CUBN: variants seen among roughly 807,000 people sequenced by gnomAD.
The protein encoded by CUBN is cubilin.
CUBN carries 282 observed loss-of-function variants against 405.3 expected under a neutral mutation model. The ratio of observed to expected loss-of-function variants is 0.70; its 90% CI spans 0.63 to 0.77. The LOEUF is 0.77. Among genes scored for constraint, CUBN ranks in the 30% least tolerant of loss-of-function variants. CUBN has a pLI of 0.00. For synonymous variants in CUBN, 1,684 were observed against 1,617.0 expected, an observed-to-expected ratio of 1.04 and a Z score of -0.99; for missense variants, 4,514 against 4,475.2, an observed-to-expected ratio of 1.01 and a Z score of -0.25.
In CUBN at chr10:16,933,120, T is replaced by C. The variant is rs150392211; in HGVS notation, c.6091A>G (p.Thr2031Ala). ...ILSLDIESHR[T>A]CAYDSLVIRD... ...ATCACAAGGCTATCATAGGCACACG[T>C]TCGGTGAGATTCAATGTCCAGGGAA... Residue 2031 changes from threonine to alanine, a missense_variant, in exon 40 of 67, where the codon ACG becomes GCG. By Grantham distance (58) the Thr-to-Ala change is moderately conservative. Around this residue, in one of 5 missense-constraint regions of CUBN, gnomAD observed 1,613 missense variants for 1,542.8 expected, o/e 1.05. Transcript: ENST00000377833. The C allele has an allele frequency of 3.6e-4, 578 of 1,613,974 alleles. No homozygotes were observed. Among genetic ancestry groups the C allele is most frequent in the Non-Finnish European group, 4.3e-4 (513 of 1,180,004 alleles).
chr10:17,129,557 T>C (rs1837272036), intron 1 of CUBN, 87 bp downstream of exon 1: 1 of 1,568,124 alleles, frequency 6.4e-7, no homozygotes, highest in Non-Finnish European at 8.8e-7. Context: ...TCAAGAAAAA[T>C]TGCACCTTTG....
chr10:16,828,777 G>A (rs891145609), intron 66 of CUBN, 28 bp downstream of exon 66: 8 of 1,496,248 alleles, frequency 5.3e-6, no homozygotes, highest in Non-Finnish European at 7.5e-6. Flanking sequence ...AATAACAAAT[G>A]GGAATATAAA....
intron 31 of CUBN, among the ~76,000 whole-genome samples, chr10:16,970,107 A>C (rs1843509954): frequency 6.6e-6 from 1 of 152,240 alleles, no homozygotes; most frequent in Non-Finnish European, 1.5e-5. Flanking sequence ...CACGTCCAGA[A>C]ACAAGCACCT....
Position 16,841,012 on chromosome 10 carries a change from A to G in CUBN, c.9699T>C (p.Ala3233=). The G allele has an allele frequency of 1.2e-6, 2 of 1,614,200 alleles. No individual in the cohort carries two copies. Among genetic ancestry groups the G allele is most frequent in the Non-Finnish European group, 1.7e-6 (2 of 1,180,024 alleles). The stretch of plus-strand genomic sequence containing the variant: ...GTACTGTGGAACCACAAAACGTTCC[A>G]GCCAAGTTCGCATTTTCACTATCCC... ...YDGDSENANL[A]GTFCGSTVPA... The change falls in exon 61 of 67, where the codon GCT becomes GCC. Residue 3233 remains alanine (A), a synonymous_variant. Transcript: ENST00000377833.
At chr10:16,998,384 T>C (rs1347263481) in intron 28 of CUBN, among the ~76,000 whole-genome samples, 3 of 151,792 alleles carry the variant, frequency 2.0e-5, no homozygotes, top group African/African-American at 7.3e-5. Flanking sequence ...GAGTTATGCA[T>C]CTACAAGGCT....
At position 16,954,566 on chromosome 10, in the gene CUBN, G is replaced by A. The variant is rs745926280; in HGVS notation, c.4696-18C>T. 4.3e-6 allele frequency: 7 copies of A among 1,612,492 alleles called. No homozygotes were observed. The South Asian group carries it at 4.4e-5, about 10-fold the overall frequency. ...TCGTATGCCTACAAGAAAGGAGACA[G>A]GGCAAACAGTGGTTCAGATTCACAT... On this transcript the variant is annotated intron_variant, in intron 31 of 66. Coordinates refer to ENST00000377833, the MANE Select transcript of CUBN (RefSeq NM_001081.4).
intron 31 of CUBN, among the ~76,000 whole-genome samples, chr10:16,976,689 T>C (rs1833107653): frequency 6.6e-6 from 1 of 152,188 alleles, no homozygotes. Flanking sequence ...GTGTGTGTTA[T>C]ATATTTTCTG....
chr10:17,068,599 T>C lies in CUBN; in HGVS notation c.2791+6A>G. On this transcript the variant is annotated splice_donor_region_variant and intron_variant, in intron 20 of 66. Coordinates refer to ENST00000377833, the MANE Select transcript of CUBN (RefSeq NM_001081.4). Reference sequence around the variant, plus strand: ...GGAGGAAAAAAAAAAGGGAACAGTCTCTTACCCAAATCCTCAGCACTGAAC... The same window carrying C: ...GGAGGAAAAAAAAAAGGGAACAGTCCCTTACCCAAATCCTCAGCACTGAAC... 1 of 1,607,388 alleles carries C rather than the reference T, an allele frequency of 6.2e-7. No homozygotes were observed. The highest frequency in any genetic ancestry group is 1.1e-5 in the South Asian group (1 of 90,088).
intron 28 of CUBN, among the ~76,000 whole-genome samples, chr10:16,992,642 A>T (rs192269468): frequency 1.3e-5 from 2 of 152,308 alleles, no homozygotes; most frequent in African/African-American, 4.8e-5. Flanking sequence ...AATTCTAAGA[A>T]TCTTGATTCG....
chr10:16,982,681 T>C (rs1460032405), intron 30 of CUBN, 28 bp from the exon 31 acceptor site: 7 of 1,598,540 alleles, frequency 4.4e-6, no homozygotes, highest in Non-Finnish European at 6.0e-6. Flanking sequence ...AATTATTTCA[T>C]GAGAGGAATC....
chr10:16,867,552 A>G (rs1236824950), intron 59 of CUBN, among the ~76,000 whole-genome samples: 1 of 152,208 alleles, frequency 6.6e-6, no homozygotes, highest in African/African-American at 2.4e-5. Context: ...GAGTAGTTAC[A>G]ATGACTTGAA....
intron 4 of CUBN, 141 bp from the exon 5 acceptor site, chr10:17,123,830 T>C: frequency 1.5e-6 from 1 of 650,346 alleles, no homozygotes; most frequent in Non-Finnish European, 2.8e-6. Context: ...CTTATGTTCT[T>C]CTTCAAATCA....
At position 16,830,206 on chromosome 10, in the gene CUBN, G is replaced by T. The variant is rs576781838; in HGVS notation, c.10528+1046C>A. Among the ~76,000 whole-genome samples the T allele has an allele frequency of 5.9e-5, 9 of 152,270 alleles. No individual in the cohort carries two copies. In the South Asian group the frequency reaches 1.0e-3, roughly 18 times the overall value. ...CCACCTTGGTCTCCCAGGGATTATA[G>T]GTGTGAGCCACAGCACCTAGCTTAA... On this transcript the variant is annotated intron_variant, in intron 65 of 66. Coordinates refer to ENST00000377833, the MANE Select transcript of CUBN (RefSeq NM_001081.4).
chr10:16,920,491 T>A (rs1246007270), intron 43 of CUBN, among the ~76,000 whole-genome samples: 1 of 152,142 alleles, frequency 6.6e-6, no homozygotes, highest in South Asian at 2.1e-4. Flanking sequence ...AGTTACAGCT[T>A]CCCACTGAGC....
At chr10:16,950,169 A>C in intron 33 of CUBN, 58 bp from the exon 34 acceptor site, 1 of 1,207,754 alleles carries the variant, frequency 8.3e-7, no homozygotes, top group Non-Finnish European at 1.2e-6. Flanking sequence ...ACATACAGGG[A>C]GATGGGGCAA....
intron 31 of CUBN, among the ~76,000 whole-genome samples, chr10:16,977,376 AG>A (rs1489529321): frequency 3.9e-5 from 6 of 152,202 alleles, no homozygotes; most frequent in Non-Finnish European, 8.8e-5. Flanking sequence ...AGAAGAGCAG[AG>A]GAGCAGAAGA....
intron 27 of CUBN, among the ~76,000 whole-genome samples, chr10:17,020,486 G>C (rs1295945475): frequency 1.3e-5 from 2 of 151,952 alleles, no homozygotes; most frequent in Non-Finnish European, 2.9e-5. Context: ...CCCTTCAAGA[G>C]GTAATTTTTA....
intron 66 of CUBN, 121 bp downstream of exon 66, chr10:16,828,684 T>G: frequency 1.3e-6 from 1 of 793,038 alleles, no homozygotes; most frequent in Non-Finnish European, 2.1e-6. Flanking sequence ...CGCGCACCAC[T>G]GCACTCCAGC....
Position 16,960,876 on chromosome 10 carries a change from C to T in CUBN, c.4696-6328G>A, listed in dbSNP as rs189029018. On this transcript the variant is annotated intron_variant, in intron 31 of 66. Transcript: ENST00000377833. The stretch of plus-strand genomic sequence containing the variant: ...AGGGCACAGCCAATGTCATGCACTC[C>T]GCTCCCAGGGGCCCTTCACCAACAG... 8.2e-4 allele frequency among the ~76,000 whole-genome samples: 125 copies of T among 152,234 alleles called. 1 individual carries two copies. The Middle Eastern group carries it at 0.02, about 25-fold the overall frequency.
Sources: allele counts gnomAD v4.1 joint callset (sites outside exome capture counted in the v4.1 genomes callset), GRCh38; gene constraint gnomAD v4.1.1; regional missense constraint gnomAD v4.1.1; transcripts MANE v1.5; gene names NCBI Gene and HGNC (gene_info 2026-07-23, HGNC 2026-07-21).